The following PTK2 variants were observed in gnomAD, a reference collection of about 807,000 sequenced individuals.
PTK2 encodes the protein focal adhesion kinase 1.
In PTK2, 45 loss-of-function variants were observed where a neutral mutation model predicts 150.1. The ratio of observed to expected loss-of-function variants is 0.30; its 90% CI spans 0.24 to 0.38. PTK2 has a LOEUF of 0.38. PTK2 is among the 10% of genes least tolerant of loss of function. The pLI, the probability that PTK2 is intolerant of heterozygous loss-of-function variation, is 1.00. For synonymous variants in PTK2, 432 were observed against 449.2 expected, an observed-to-expected ratio of 0.96 and a Z score of 0.48; for missense variants, 919 against 1,307.3, an observed-to-expected ratio of 0.70 and a Z score of 4.58.
At chr8:140,887,047 G>A (rs2100152565) in intron 3 of PTK2, among the ~76,000 whole-genome samples, 1 of 152,142 alleles carries the variant, frequency 6.6e-6, no homozygotes, top group South Asian at 2.1e-4. Context: ...CAAAGCTATG[G>A]CCAAGATAAG....
intron 8 of PTK2, among the ~76,000 whole-genome samples, chr8:140,826,147 T>C (rs1409779035): frequency 3.3e-5 from 5 of 152,220 alleles, no homozygotes; most frequent in South Asian, 2.1e-4. Context: ...AAATGTAGCC[T>C]GTTTATGGAA....
intron 1 of PTK2, among the ~76,000 whole-genome samples, chr8:140,942,898 C>T (rs969345302): frequency 6.6e-6 from 1 of 152,066 alleles, no homozygotes; most frequent in African/African-American, 2.4e-5. Context: ...TAGTGCCATT[C>T]CCTTGGTGAC....
intron 1 of PTK2, among the ~76,000 whole-genome samples, chr8:140,962,458 C>CA (rs1263476890): frequency 6.6e-6 from 1 of 152,122 alleles, no homozygotes; most frequent in African/African-American, 2.4e-5. Flanking sequence ...ATGCCTACTA[C>CA]AAACACACAT....
chr8:140,686,869 G>A, intron 26 of PTK2, 175 bp from the exon 30 acceptor site: 2 of 614,250 alleles, frequency 3.3e-6, no homozygotes, highest in Non-Finnish European at 5.7e-6. Context: ...GCTGCCTTGG[G>A]AAGAACTGCA....
At position 140,730,961 on chromosome 8, in the gene PTK2, C is replaced by T. The variant is rs563983791; in HGVS notation, c.2030+4290G>A. ...ACCAGGAATTAAATTAAACCCCCCC[C>T]CCCCTTTTTTTTTTGAGACAAAGTC... On this transcript the variant is annotated intron_variant, in intron 22 of 31. Coordinates refer to ENST00000522684, the Ensembl canonical transcript of PTK2. Among the ~76,000 whole-genome samples, 9 of 142,636 alleles carry T rather than the reference C, an allele frequency of 6.3e-5. 1 individual carries two copies. Among genetic ancestry groups the T allele is most frequent in the South Asian group, 2.5e-4 (1 of 3,986 alleles). 93.6% of individuals were successfully genotyped at this position (142,636 alleles called of 152,430 possible).
rs779718415 is a variant in PTK2, at chr8:140,668,426, TGAC to T, written c.2710-5_2710-3del. 30 of 1,606,966 alleles carry T rather than the reference TGAC, an allele frequency of 1.9e-5. No homozygotes were observed. The highest frequency in any genetic ancestry group is 1.0e-4 in the Admixed American group (6 of 59,146). On this transcript the variant is annotated splice_polypyrimidine_tract_variant and splice_region_variant and intron_variant, in intron 29 of 31. Coordinates refer to ENST00000522684, the Ensembl canonical transcript of PTK2. Reference sequence around the variant, plus strand: ...GGGGCTGATTTCCTGGGGCTGAAGCTGACAACACAGAAGCCAGTCATTTTTCTG... The same window carrying T: ...GGGGCTGATTTCCTGGGGCTGAAGCTAACACAGAAGCCAGTCATTTTTCTG...
chr8:140,780,283 C>T (rs2100080922), intron 14 of PTK2, among the ~76,000 whole-genome samples: 1 of 152,106 alleles, frequency 6.6e-6, no homozygotes, highest in Non-Finnish European at 1.5e-5. Context: ...AGGTGAAATG[C>T]TCATGGGAAC....
chr8:140,902,930 T>TGTTTTG (rs1464479188), intron 2 of PTK2, among the ~76,000 whole-genome samples: 1 of 89,428 alleles, frequency 1.1e-5, no homozygotes, highest in Non-Finnish European at 2.4e-5. Flanking sequence ...AGTTGTTTTT[T>TGTTTTG]TTTTTTTTTT....
intron 7 of PTK2, among the ~76,000 whole-genome samples, chr8:140,843,748 A>C (rs1410755833): frequency 6.6e-6 from 1 of 152,192 alleles, no homozygotes; most frequent in Non-Finnish European, 1.5e-5. Context: ...CAAAAGAGTT[A>C]CAAAGAGAGT....
At chr8:140,850,059 T>G (rs1322565099) in intron 5 of PTK2, among the ~76,000 whole-genome samples, 2 of 152,194 alleles carry the variant, frequency 1.3e-5, no homozygotes, top group Middle Eastern at 3.4e-3. Flanking sequence ...TTTTCTATTG[T>G]GGATTATACC....
chr8:140,868,873 G>A (rs866357981), intron 4 of PTK2, among the ~76,000 whole-genome samples: 3 of 152,186 alleles, frequency 2.0e-5, no homozygotes, highest in Middle Eastern at 3.4e-3. Context: ...GAAAAGGAAC[G>A]GTAAGTGGAA....
At chr8:140,772,555 G>A (rs773443641) in intron 14 of PTK2, among the ~76,000 whole-genome samples, 16 of 152,156 alleles carry the variant, frequency 1.1e-4, no homozygotes, top group African/African-American at 2.4e-4. Flanking sequence ...TTTAGACTGC[G>A]GATAAGAGCA....
intron 1 of PTK2, among the ~76,000 whole-genome samples, chr8:140,987,042 T>G (rs1198658416): frequency 2.0e-5 from 3 of 152,174 alleles, no homozygotes; most frequent in Non-Finnish European, 4.4e-5. Context: ...GTATAATTTA[T>G]GCTCTTCAAG....
At chr8:140,837,601 C>T (rs2100119506) in intron 7 of PTK2, among the ~76,000 whole-genome samples, 1 of 151,716 alleles carries the variant, frequency 6.6e-6, no homozygotes, top group African/African-American at 2.4e-5. Context: ...TGGTGGTGCA[C>T]ACCTGTAATC....
At chr8:140,714,796 CA>C (rs398010102) in intron 23 of PTK2, among the ~76,000 whole-genome samples, 553 of 46,834 alleles carry the variant, frequency 0.012, 7 homozygotes, top group African/African-American at 0.045. Flanking sequence ...GGCTCTGTCT[CA>C]AAAAAAAAAA....
At chr8:140,717,836 A>C in intron 22 of PTK2, 127 bp from the exon 26 acceptor site, 1 of 682,100 alleles carries the variant, frequency 1.5e-6, no homozygotes, top group Non-Finnish European at 2.6e-6. Context: ...AGGATCCTAT[A>C]CACAGGGGAA....
chr8:140,921,129 C>CA, intron 2 of PTK2: 1 of 1,266,582 alleles, frequency 7.9e-7, no homozygotes. Context: ...CATGCTTCCG[C>CA]AATCTGAAAC....
intron 10 of PTK2, among the ~76,000 whole-genome samples, chr8:140,808,091 C>T (rs959155280): frequency 2.6e-5 from 4 of 151,966 alleles, no homozygotes; most frequent in African/African-American, 9.7e-5. Context: ...ACATGAGGTA[C>T]CAGGGAGAGA....
At position 140,936,129 on chromosome 8, in the gene PTK2, C is replaced by T. The variant is rs79295917; in HGVS notation, c.-121-10380G>A. ...TGAGCTATGATAGTGCTATTGCCCT[C>T]CAGCCTGAGCTGGAGTAAAACTCTG... On this transcript the variant is annotated intron_variant, in intron 1 of 31. Transcript: ENST00000522684. Among the ~76,000 whole-genome samples the T allele has an allele frequency of 2.6e-3, 395 of 152,204 alleles. 11 individuals carry two copies. The East Asian group carries it at 0.06, about 23-fold the overall frequency.
Sources: gnomAD v4.1 joint callset for allele counts (sites outside exome capture counted in the v4.1 genomes callset) on GRCh38, gnomAD v4.1.1 for gene constraint, MANE v1.5 for transcripts, NCBI Gene and HGNC (gene_info 2026-07-23, HGNC 2026-07-21) for gene names.